CREB5: variants seen among roughly 807,000 people sequenced by gnomAD.
CREB5 encodes cAMP responsive element binding protein 5.
In CREB5, 19 loss-of-function variants were observed where a neutral mutation model predicts 57.1. That is an observed-to-expected ratio of 0.33 (90% CI 0.23 to 0.49). CREB5 has a LOEUF of 0.49. Ranked by LOEUF, CREB5 falls within the 20% of genes least tolerant of loss-of-function variation. The pLI, the probability that CREB5 is intolerant of heterozygous loss-of-function variation, is 0.99. For missense variants in CREB5, 579 were observed against 671.6 expected, an observed-to-expected ratio of 0.86 and a Z score of 1.52; for synonymous variants, 238 against 238.3, an observed-to-expected ratio of 1.00 and a Z score of 0.01.
intron 1 of CREB5, among the ~76,000 whole-genome samples, chr7:28,351,561 CATTG>C (rs1463808608): frequency 6.6e-6 from 1 of 152,184 alleles, no homozygotes; most frequent in African/African-American, 2.4e-5. Flanking sequence ...GGCCTTTAAT[CATTG>C]ATATCATTTC....
At chr7:28,631,385 G>T (rs1404899390) in intron 5 of CREB5, among the ~76,000 whole-genome samples, 2 of 152,152 alleles carry the variant, frequency 1.3e-5, no homozygotes, top group African/African-American at 4.8e-5. Flanking sequence ...CTTGAGAAAG[G>T]CACTCAATCC....
chr7:28,711,067 A>C (rs1310483086), intron 5 of CREB5, among the ~76,000 whole-genome samples: 2 of 152,114 alleles, frequency 1.3e-5, no homozygotes, highest in African/African-American at 4.8e-5. Flanking sequence ...TGAGCGAGAG[A>C]GGTGGTCAGA....
chr7:28,397,077 G>T (rs2127998926), intron 1 of CREB5, among the ~76,000 whole-genome samples: 1 of 152,294 alleles, frequency 6.6e-6, no homozygotes, highest in South Asian at 2.1e-4. Flanking sequence ...ATGATATGTG[G>T]AAACTGATTT....
intron 4 of CREB5, 30 bp from the exon 5 acceptor site, chr7:28,570,334 CT>C: frequency 6.3e-7 from 1 of 1,594,260 alleles, no homozygotes; most frequent in Non-Finnish European, 8.6e-7. Context: ...TTGACTCCTC[CT>C]GACCTTTCCC....
chr7:28,530,167 G>A (rs901597332), intron 4 of CREB5, among the ~76,000 whole-genome samples: 7 of 152,326 alleles, frequency 4.6e-5, no homozygotes, highest in East Asian at 1.9e-4. Flanking sequence ...ATTCAGAGTC[G>A]CTTTTGTGAT....
In CREB5 at chr7:28,718,864, C is replaced by T. The variant is rs150680376; in HGVS notation, c.576C>T (p.Ser192=). 106 of 1,614,048 alleles carry T rather than the reference C, an allele frequency of 6.6e-5. No individual in the cohort carries two copies. Among genetic ancestry groups the T allele is most frequent in the South Asian group, 3.1e-4 (28 of 91,084 alleles). The change falls in exon 6 of 11, where the codon TCC becomes TCT. Residue 192 remains serine (S), a synonymous_variant. Transcript: ENST00000357727. ...TLPNPTMPGS[S]AVLMPMERQM... is the part of the protein sequence containing the mutation. ...CCAACCCTACAATGCCAGGATCTTC[C>T]GCCGTCTTGATGCCAGTAAGTGTTT...
Position 28,795,755 on chromosome 7 carries a change from CT to C in CREB5, c.703-8429del, listed in dbSNP as rs367853221. 2.3e-3 allele frequency among the ~76,000 whole-genome samples: 316 copies of C among 137,456 alleles called. 1 individual carries two copies. Among genetic ancestry groups the C allele is most frequent in the Middle Eastern group, 3.9e-3 (1 of 256 alleles). The allele number at this position is 137,456 out of a possible 152,430, so 90.2% of individuals were successfully genotyped here. The stretch of plus-strand genomic sequence containing the variant: ...AAAATAAAATTAACTGTTTTTCTTT[CT>C]TTTTTTTTTTTTTTGAGACAGTATC... On this transcript the variant is annotated intron_variant, in intron 7 of 10. Transcript: ENST00000357727.
intron 1 of CREB5, chr7:28,435,783 A>G: frequency 1.9e-6 from 1 of 521,530 alleles, no homozygotes; most frequent in Non-Finnish European, 2.5e-6. Context: ...CTGGTATGAA[A>G]CCACATTTCT....
chr7:28,581,214 C>T (rs192228759), intron 5 of CREB5, among the ~76,000 whole-genome samples: 15 of 152,294 alleles, frequency 9.8e-5, no homozygotes, highest in Middle Eastern at 3.4e-3. Context: ...GTTTAACCTT[C>T]TTGCACACAA....
intron 1 of CREB5, among the ~76,000 whole-genome samples, chr7:28,401,064 T>G (rs905982356): frequency 3.3e-5 from 5 of 152,244 alleles, no homozygotes; most frequent in South Asian, 2.1e-4. Context: ...TGGGTCATTA[T>G]TCAGAGCAGG....
At chr7:28,528,354 C>T (rs1169450166) in intron 4 of CREB5, among the ~76,000 whole-genome samples, 3 of 152,206 alleles carry the variant, frequency 2.0e-5, no homozygotes, top group African/African-American at 7.2e-5. Flanking sequence ...ATCCTGAATG[C>T]TTAATATTTC....
intron 1 of CREB5, among the ~76,000 whole-genome samples, chr7:28,402,781 A>G (rs1287244203): frequency 1.3e-5 from 2 of 152,244 alleles, no homozygotes; most frequent in East Asian, 3.8e-4. Flanking sequence ...CTTCATGACT[A>G]AAACACCAAA....
intron 1 of CREB5, among the ~76,000 whole-genome samples, chr7:28,354,176 T>C (rs966851669): frequency 6.6e-6 from 1 of 152,198 alleles, no homozygotes; most frequent in Non-Finnish European, 1.5e-5. Flanking sequence ...TGGTTAATAC[T>C]GAGTGTCCAC....
intron 5 of CREB5, among the ~76,000 whole-genome samples, chr7:28,593,726 T>C (rs940859638): frequency 3.3e-5 from 5 of 152,200 alleles, no homozygotes; most frequent in South Asian, 2.1e-4. Flanking sequence ...TGAGAATACC[T>C]TGGGCCCAGC....
chr7:28,398,015 T>A (rs890927522), intron 1 of CREB5, among the ~76,000 whole-genome samples: 2 of 152,242 alleles, frequency 1.3e-5, no homozygotes, highest in Non-Finnish European at 2.9e-5. Context: ...ACATTTATAA[T>A]GTTAGATAAC....
At chr7:28,601,673 A>G (rs1189207628) in intron 5 of CREB5, among the ~76,000 whole-genome samples, 1 of 152,218 alleles carries the variant, frequency 6.6e-6, no homozygotes, top group East Asian at 1.9e-4. Context: ...AGAAGAGGAA[A>G]GACAGAATTT....
intron 7 of CREB5, among the ~76,000 whole-genome samples, chr7:28,770,894 T>A (rs1185230231): frequency 6.6e-6 from 1 of 152,228 alleles, no homozygotes; most frequent in Non-Finnish European, 1.5e-5. Flanking sequence ...GTACTCAAGG[T>A]ATACTTGAAA....
chr7:28,707,033 A>C (rs1802144440), intron 5 of CREB5, among the ~76,000 whole-genome samples: 1 of 152,024 alleles, frequency 6.6e-6, no homozygotes, highest in South Asian at 2.1e-4. Context: ...TAGAAGAGAG[A>C]CTGGTACCTG....
At chr7:28,646,063 C>T (rs190375358) in intron 5 of CREB5, among the ~76,000 whole-genome samples, 50 of 152,310 alleles carry the variant, frequency 3.3e-4, no homozygotes, top group African/African-American at 7.7e-4. Context: ...ACTAGAACTA[C>T]ACCACCAGCA....
Sources: gnomAD v4.1 joint callset for allele counts (sites outside exome capture counted in the v4.1 genomes callset) on GRCh38, gnomAD v4.1.1 for gene constraint, MANE v1.5 for transcripts, NCBI Gene and HGNC (gene_info 2026-07-23, HGNC 2026-07-21) for gene names.